THADA: variants seen among roughly 807,000 people sequenced by gnomAD.
THADA encodes the protein THADA armadillo repeat containing.
In THADA, 213 loss-of-function variants were observed where a neutral mutation model predicts 219.8. The ratio of observed to expected loss-of-function variants is 0.97; its 90% CI spans 0.87 to 1.09. The LOEUF is 1.09. Among genes scored for constraint, THADA ranks in the 50% least tolerant of loss-of-function variants. THADA has a pLI of 0.00. For missense variants in THADA, 2,956 were observed against 2,311.3 expected (o/e 1.28, Z -5.72); for synonymous variants, 1,018 against 828.9 (o/e 1.23, Z -3.92).
rs544730298 is a variant in THADA, at chr2:43,236,061, G to A, written c.5297-3179C>T. Among the ~76,000 whole-genome samples, 347 of 152,078 alleles carry A rather than the reference G, an allele frequency of 2.3e-3. 1 individual carries two copies. Among genetic ancestry groups the A allele is most frequent in the South Asian group, 3.7e-3 (18 of 4,806 alleles). On this transcript the variant is annotated intron_variant, in intron 36 of 37. Transcript: ENST00000405975. Reference sequence around the variant, plus strand: ...CCTGACCTTGTGATCCACCTGCCTCGGCCTCCCAAAGTGCTGGGATTACAG... The same window carrying A: ...CCTGACCTTGTGATCCACCTGCCTCAGCCTCCCAAAGTGCTGGGATTACAG...
chr2:43,291,576 T>A (rs1471646139), intron 34 of THADA, 120 bp downstream of exon 34: 1 of 520,290 alleles, frequency 1.9e-6, no homozygotes. Flanking sequence ...TTTCTGTAGA[T>A]GTTACATACA....
rs565963618 is a variant in THADA, at chr2:43,371,814, A to T, written c.4227+26157T>A. Among the ~76,000 whole-genome samples, 3 of 152,202 alleles carry T rather than the reference A, an allele frequency of 2.0e-5. No individual in the cohort carries two copies. The East Asian group carries it at 5.8e-4, about 29-fold the overall frequency. ...GCAATTTGGCCACTTAATTGCTTAGAGGGTCCGCTATTTCCCTTTTCTGGT... is the reference window on the plus strand; with the variant it reads ...GCAATTTGGCCACTTAATTGCTTAGTGGGTCCGCTATTTCCCTTTTCTGGT... On this transcript the variant is annotated intron_variant, in intron 29 of 37. Coordinates refer to ENST00000405975, the MANE Select transcript of THADA (RefSeq NM_022065.5).
At chr2:43,573,856 CT>C (rs1358324275) in intron 11 of THADA, among the ~76,000 whole-genome samples, 5 of 152,090 alleles carry the variant, frequency 3.3e-5, no homozygotes, top group African/African-American at 1.2e-4. Context: ...ATGTTTACCC[CT>C]ATTCTAAATA....
intron 26 of THADA, among the ~76,000 whole-genome samples, chr2:43,461,728 T>G (rs1296786940): frequency 6.6e-6 from 1 of 152,258 alleles, no homozygotes; most frequent in African/African-American, 2.4e-5. Flanking sequence ...TCTCCCCTAG[T>G]ATCTGTGGCA....
chr2:43,593,229 T>C (rs114392046), intron 1 of THADA, among the ~76,000 whole-genome samples: 4,056 of 152,294 alleles, frequency 0.027, 123 homozygotes, highest in African/African-American at 0.076. Context: ...ATATGAAATT[T>C]ACCAAGATGA....
intron 31 of THADA, among the ~76,000 whole-genome samples, chr2:43,317,222 T>A (rs1307961882): frequency 6.6e-6 from 1 of 152,172 alleles, no homozygotes; most frequent in Non-Finnish European, 1.5e-5. Context: ...CAGATATATA[T>A]TTACATACAC....
intron 31 of THADA, 142 bp downstream of exon 31, chr2:43,320,302 CTA>C: frequency 1.9e-6 from 1 of 522,796 alleles, no homozygotes; most frequent in East Asian, 3.1e-5. Flanking sequence ...TATGAGGGAA[CTA>C]TATGACACTG....
At chr2:43,512,320 C>T (rs1427461791) in intron 22 of THADA, among the ~76,000 whole-genome samples, 3 of 152,154 alleles carry the variant, frequency 2.0e-5, no homozygotes, top group Non-Finnish European at 2.9e-5. Flanking sequence ...ACTCTACCAC[C>T]GGTTCCCATT....
intron 13 of THADA, among the ~76,000 whole-genome samples, 195 bp from the exon 14 acceptor site, chr2:43,570,705 A>G (rs1247154325): frequency 3.3e-5 from 5 of 152,250 alleles, no homozygotes; most frequent in Admixed American, 2.0e-4. Flanking sequence ...AAAGCAGAAT[A>G]CTGTCATTAA....
Position 43,520,376 on chromosome 2 carries a change from A to G in THADA, c.3374+7503T>C, listed in dbSNP as rs72867011. 7.5e-3 allele frequency among the ~76,000 whole-genome samples: 1,146 copies of G among 152,316 alleles called. 9 individuals carry two copies. Among genetic ancestry groups the G allele is most frequent in the African/African-American group, 0.024 (1,014 of 41,558 alleles). ...CAAGGTTCATCATAAACAACTCAGT[A>G]ACACAAAATGTTATTAATCTACAAA... On this transcript the variant is annotated intron_variant, in intron 22 of 37. Transcript: ENST00000405975.
chr2:43,300,150 TA>T (rs1298286618), intron 31 of THADA, among the ~76,000 whole-genome samples: 1 of 152,128 alleles, frequency 6.6e-6, no homozygotes, highest in Non-Finnish European at 1.5e-5. Context: ...TACTTTTATT[TA>T]TTTTTTTGAG....
At chr2:43,493,382 C>T (rs1687888551) in intron 25 of THADA, among the ~76,000 whole-genome samples, 1 of 152,248 alleles carries the variant, frequency 6.6e-6, no homozygotes, top group South Asian at 2.1e-4. Flanking sequence ...GTAGTCCCAG[C>T]TACTAGTGAG....
At chr2:43,453,286 A>G (rs1333861295) in intron 26 of THADA, among the ~76,000 whole-genome samples, 1 of 152,246 alleles carries the variant, frequency 6.6e-6, no homozygotes, top group South Asian at 2.1e-4. Flanking sequence ...GTGGACATCC[A>G]TCTCAGACTG....
intron 17 of THADA, among the ~76,000 whole-genome samples, chr2:43,553,294 C>A (rs1177001229): frequency 6.6e-6 from 1 of 152,106 alleles, no homozygotes; most frequent in Non-Finnish European, 1.5e-5. Flanking sequence ...TGTGCTTCCT[C>A]CCCCACCCCA....
chr2:43,441,390 A>G (rs1680823284), intron 26 of THADA, among the ~76,000 whole-genome samples: 1 of 152,260 alleles, frequency 6.6e-6, no homozygotes, highest in African/African-American at 2.4e-5. Flanking sequence ...GCCAAAAGCT[A>G]GTAAAGACTT....
At chr2:43,473,644 T>G (rs558492038) in intron 26 of THADA, among the ~76,000 whole-genome samples, 2 of 152,046 alleles carry the variant, frequency 1.3e-5, no homozygotes, top group South Asian at 4.1e-4. Context: ...AGAGTCTCAC[T>G]CTCACCCAGG....
chr2:43,316,488 G>A (rs1361601950), intron 31 of THADA, among the ~76,000 whole-genome samples: 2 of 152,216 alleles, frequency 1.3e-5, no homozygotes, highest in African/African-American at 2.4e-5. Context: ...AGCCAGGTAT[G>A]TTATACTGCA....
In THADA at chr2:43,279,756, A is replaced by G. The variant is rs1462475380; in HGVS notation, c.5296+9T>C. On this transcript the variant is annotated intron_variant, in intron 36 of 37. Transcript: ENST00000405975. ...GATAAGACAATGCAAAAGGATAAGAACGAGGTACCTGTTGACTGGCAGGTA... is the reference window on the plus strand; with the variant it reads ...GATAAGACAATGCAAAAGGATAAGAGCGAGGTACCTGTTGACTGGCAGGTA... 2.6e-6 allele frequency: 4 copies of G among 1,547,336 alleles called. No individual in the cohort carries two copies. Among genetic ancestry groups the G allele is most frequent in the Non-Finnish European group, 3.5e-6 (4 of 1,145,626 alleles).
At chr2:43,467,391 ATACT>A (rs1425117341) in intron 26 of THADA, among the ~76,000 whole-genome samples, 1 of 152,202 alleles carries the variant, frequency 6.6e-6, no homozygotes, top group Admixed American at 6.5e-5. Flanking sequence ...AGGGACAATA[ATACT>A]TACTGAGTAT....
Sources: gnomAD v4.1 joint callset for allele counts (sites outside exome capture counted in the v4.1 genomes callset) on GRCh38, gnomAD v4.1.1 for gene constraint, MANE v1.5 for transcripts, NCBI Gene and HGNC (gene_info 2026-07-23, HGNC 2026-07-21) for gene names.